The following CTNNA3 variants were observed in gnomAD, a reference collection of about 807,000 sequenced individuals.
CTNNA3 encodes catenin alpha 3.
In CTNNA3, 76 loss-of-function variants were observed where a neutral mutation model predicts 95.7. The observed-to-expected ratio is 0.79, with a 90% CI of 0.66 to 0.96. CTNNA3 has a LOEUF of 0.96. Ranked by LOEUF, CTNNA3 falls within the 40% of genes least tolerant of loss-of-function variation. The pLI is 0.00. For synonymous variants in CTNNA3, 431 were observed against 374.4 expected (o/e 1.15, Z -1.74); for missense variants, 1,191 against 1,089.8 (o/e 1.09, Z -1.31).
chr10:67,425,079 A>C (rs1296860916), intron 5 of CTNNA3, among the ~76,000 whole-genome samples: 1 of 152,146 alleles, frequency 6.6e-6, no homozygotes, highest in Non-Finnish European at 1.5e-5. Context: ...GTTAAATTGA[A>C]ATAAATTACA....
chr10:67,450,184 A>ATTGTTGATACACTCCC (rs1846917097), intron 5 of CTNNA3, among the ~76,000 whole-genome samples: 2 of 152,160 alleles, frequency 1.3e-5, no homozygotes, highest in Non-Finnish European at 2.9e-5. Flanking sequence ...GGGAACACTT[A>ATTGTTGATACACTCCC]TATATTGTTG....
intron 7 of CTNNA3, among the ~76,000 whole-genome samples, chr10:66,923,850 C>CTTG (rs1846923316): frequency 1.3e-5 from 2 of 152,138 alleles, no homozygotes; most frequent in Non-Finnish European, 2.9e-5. Flanking sequence ...ATCCATTGTA[C>CTTG]TTGTGACTGA....
chr10:67,466,863 T>A (rs1190588154), intron 5 of CTNNA3, among the ~76,000 whole-genome samples: 2 of 152,180 alleles, frequency 1.3e-5, no homozygotes, highest in Admixed American at 6.5e-5. Flanking sequence ...CTTTAAAAGA[T>A]CATAGCTATG....
At chr10:66,043,518 T>C (rs1480143580) in intron 15 of CTNNA3, among the ~76,000 whole-genome samples, 2 of 152,212 alleles carry the variant, frequency 1.3e-5, no homozygotes, top group Non-Finnish European at 2.9e-5. Context: ...ATTTGAAATA[T>C]ATACTGTCCT....
rs146800986 is a variant in CTNNA3, at chr10:66,521,087, T to C, written c.1375-314A>G. Among the ~76,000 whole-genome samples the C allele has an allele frequency of 6.7e-3, 1,016 of 151,528 alleles. 12 individuals are homozygous for C. Among genetic ancestry groups the C allele is most frequent in the African/African-American group, 0.023 (971 of 41,476 alleles). ...TTAGATTATTTAAATTAAATTATGG[T>C]TAAATACATTCATCATCGACAATAG... is the stretch of plus-strand genomic sequence containing the variant. On this transcript the variant is annotated intron_variant, in intron 10 of 17. Coordinates refer to ENST00000433211, the MANE Select transcript of CTNNA3 (RefSeq NM_013266.4).
chr10:67,699,593 C>T (rs1841017655), upstream of CTNNA3, among the ~76,000 whole-genome samples: 1 of 152,200 alleles, frequency 6.6e-6, no homozygotes, highest in South Asian at 2.1e-4. Flanking sequence ...TGAGGATAGA[C>T]ATTTCACTCA....
intron 13 of CTNNA3, among the ~76,000 whole-genome samples, chr10:66,238,245 A>G (rs913194849): frequency 3.9e-5 from 6 of 152,030 alleles, no homozygotes; most frequent in African/African-American, 1.4e-4. Flanking sequence ...GGGGTACATC[A>G]GGTTATAAAT....
chr10:66,461,484 T>G (rs1174046482), intron 11 of CTNNA3, among the ~76,000 whole-genome samples: 2 of 152,008 alleles, frequency 1.3e-5, no homozygotes, highest in Non-Finnish European at 2.9e-5. Flanking sequence ...TCCTACGAAA[T>G]TAACAACTGA....
intron 9 of CTNNA3, among the ~76,000 whole-genome samples, chr10:66,676,378 T>C (rs1846856965): frequency 6.6e-6 from 1 of 152,096 alleles, no homozygotes; most frequent in Non-Finnish European, 1.5e-5. Context: ...TTATGCTAGT[T>C]ACTGTACCTT....
At chr10:66,590,587 A>G (rs1038817329) in intron 10 of CTNNA3, among the ~76,000 whole-genome samples, 2 of 152,102 alleles carry the variant, frequency 1.3e-5, no homozygotes, top group Non-Finnish European at 2.9e-5. Context: ...AGGACCATGA[A>G]TCAGAAAGCC....
chr10:66,980,940 C>A (rs1850396172), intron 7 of CTNNA3, among the ~76,000 whole-genome samples: 2 of 152,076 alleles, frequency 1.3e-5, no homozygotes, highest in Non-Finnish European at 2.9e-5. Context: ...GAGTTTCACT[C>A]TTGTTGCCCA....
chr10:66,509,210 T>C (rs1263791667), intron 11 of CTNNA3, among the ~76,000 whole-genome samples: 2 of 152,010 alleles, frequency 1.3e-5, no homozygotes, highest in African/African-American at 4.8e-5. Context: ...GATGTCCAGA[T>C]AAATCACTCA....
At chr10:67,672,541 G>A (rs1312570971) in intron 1 of CTNNA3, among the ~76,000 whole-genome samples, 4 of 152,092 alleles carry the variant, frequency 2.6e-5, no homozygotes, top group Non-Finnish European at 5.9e-5. Context: ...TTTGTATAAG[G>A]TGTAAGGAAG....
chr10:65,988,818 G>A lies in CTNNA3; in HGVS notation c.2160-21C>T, dbSNP rs773796352. On this transcript the variant is annotated intron_variant, in intron 15 of 17. Coordinates refer to ENST00000433211, the MANE Select transcript of CTNNA3 (RefSeq NM_013266.4). ...TGCCCCTGGAAAAAAATTTATATAT[G>A]TTAGCTGTGGTGTTCATGAGAAAAT... The A allele has an allele frequency of 2.6e-6, 4 of 1,548,614 alleles. No homozygotes were observed. In the South Asian group the frequency reaches 3.4e-5, roughly 13 times the overall value.
chr10:66,360,030 TG>T lies in CTNNA3; in HGVS notation c.1732+19121del, dbSNP rs999369610. 6.6e-4 allele frequency among the ~76,000 whole-genome samples: 101 copies of T among 152,090 alleles called. 1 individual carries two copies. The highest frequency in any genetic ancestry group is 2.2e-3 in the African/African-American group (93 of 41,508). ...TTTTAGTAGAGACGGGGTTTCAGCA[TG>T]TTGGTCGGGCTGGTCTCGAACTCCT... On this transcript the variant is annotated intron_variant, in intron 12 of 17. Coordinates refer to ENST00000433211, the MANE Select transcript of CTNNA3 (RefSeq NM_013266.4).
intron 6 of CTNNA3, among the ~76,000 whole-genome samples, chr10:67,190,305 A>T (rs542563417): frequency 6.6e-6 from 1 of 152,154 alleles, no homozygotes; most frequent in South Asian, 2.1e-4. Context: ...GATATATATA[A>T]TGATATCATA....
At chr10:67,124,046 C>T (rs1859592743) in intron 7 of CTNNA3, among the ~76,000 whole-genome samples, 1 of 152,018 alleles carries the variant, frequency 6.6e-6, no homozygotes, top group African/African-American at 2.4e-5. Context: ...AATTCTGAGG[C>T]CCCAGCCCAG....
At chr10:66,191,706 T>C (rs2086675772) in intron 13 of CTNNA3, among the ~76,000 whole-genome samples, 1 of 152,114 alleles carries the variant, frequency 6.6e-6, no homozygotes, top group African/African-American at 2.4e-5. Context: ...TCTTTCATGA[T>C]CATGGATCTA....
intron 5 of CTNNA3, among the ~76,000 whole-genome samples, chr10:67,374,445 T>A (rs1252551805): frequency 6.6e-6 from 1 of 152,082 alleles, no homozygotes; most frequent in East Asian, 1.9e-4. Context: ...AACGAATAAA[T>A]AAATAAATAA....
Sources: gnomAD v4.1 joint callset for allele counts (sites outside exome capture counted in the v4.1 genomes callset) on GRCh38, gnomAD v4.1.1 for gene constraint, MANE v1.5 for transcripts, NCBI Gene and HGNC (gene_info 2026-07-23, HGNC 2026-07-21) for gene names.